Variants in CSNK1G3 observed in about 807,000 individuals in gnomAD.
CSNK1G3 encodes casein kinase 1 gamma 3.
A neutral mutation model predicts 64.3 loss-of-function variants in CSNK1G3; 23 were observed. The observed-to-expected ratio is 0.36, with a 90% CI of 0.26 to 0.51. The LOEUF (loss-of-function observed/expected upper bound fraction) is 0.51. CSNK1G3 is among the 20% of genes least tolerant of loss of function. The probability of loss-of-function intolerance (pLI) is 0.96; values close to 1 mark genes in which losing one functional copy is unlikely to be tolerated. For missense variants in CSNK1G3, 357 were observed against 510.5 expected (o/e 0.70, Z 2.90); for synonymous variants, 158 against 162.2 (o/e 0.97, Z 0.20).
At chr5:123,611,553 A>G (rs1796339733) in intron 12 of CSNK1G3, among the ~76,000 whole-genome samples, 1 of 152,238 alleles carries the variant, frequency 6.6e-6, no homozygotes, top group Admixed American at 6.5e-5. Flanking sequence ...CAGAACTCTC[A>G]GTACTGGAAA....
At chr5:123,552,355 A>G (rs1330407197) in intron 2 of CSNK1G3, among the ~76,000 whole-genome samples, 2 of 152,166 alleles carry the variant, frequency 1.3e-5, no homozygotes, top group African/African-American at 4.8e-5. Flanking sequence ...CATGCTGGTC[A>G]GTCTGGTCTT....
chr5:123,600,042 C>T (rs903240345), intron 10 of CSNK1G3, among the ~76,000 whole-genome samples: 6 of 151,910 alleles, frequency 3.9e-5, no homozygotes, highest in African/African-American at 1.2e-4. Flanking sequence ...TCAATTATAC[C>T]TTTAGTCTTT....
rs1264507243 is a variant in CSNK1G3 at position 123,606,241 on chromosome 5, T to TAC, written c.1217+879_1217+880insAC. Among the ~76,000 whole-genome samples the TAC allele has an allele frequency of 3.3e-5, 5 of 152,238 alleles. No individual in the cohort carries two copies. In the East Asian group the frequency reaches 9.6e-4, roughly 29 times the overall value. ...TTGACATAAGATTAAGACTAGTGTA[T>TAC]GTCAGGATATAATTAGCTATATACT... is the stretch of plus-strand genomic sequence containing the variant. On this transcript the variant is annotated intron_variant, in intron 12 of 12. Transcript: ENST00000345990.
At chr5:123,520,528 T>C (rs1459715974) in intron 1 of CSNK1G3, among the ~76,000 whole-genome samples, 1 of 151,810 alleles carries the variant, frequency 6.6e-6, no homozygotes, top group Non-Finnish European at 1.5e-5. Flanking sequence ...ATGTGTTTTC[T>C]ACCAGTTTAG....
intron 1 of CSNK1G3, among the ~76,000 whole-genome samples, chr5:123,515,053 A>T (rs1205573236): frequency 6.6e-6 from 1 of 152,160 alleles, no homozygotes; most frequent in East Asian, 1.9e-4. Context: ...AAAACAATCT[A>T]TATATAGTTT....
intron 1 of CSNK1G3, among the ~76,000 whole-genome samples, chr5:123,514,800 A>G (rs555027027): frequency 2.0e-5 from 3 of 152,156 alleles, no homozygotes; most frequent in East Asian, 1.9e-4. Context: ...AACTGGACAT[A>G]AGGCTGTTTT....
At chr5:123,525,473 G>C (rs182041923) in intron 1 of CSNK1G3, among the ~76,000 whole-genome samples, 1 of 151,880 alleles carries the variant, frequency 6.6e-6, no homozygotes, top group Non-Finnish European at 1.5e-5. Context: ...ACCACGCCCC[G>C]CTAGTTTTTG....
intron 6 of CSNK1G3, among the ~76,000 whole-genome samples, chr5:123,578,730 C>T (rs949367345): frequency 4.0e-5 from 6 of 151,750 alleles, no homozygotes; most frequent in African/African-American, 1.4e-4. Context: ...ATGCTTTCTT[C>T]TAGAAGCTTT....
chr5:123,568,030 G>A (rs1476113159), intron 4 of CSNK1G3, among the ~76,000 whole-genome samples: 1 of 152,172 alleles, frequency 6.6e-6, no homozygotes, highest in Admixed American at 6.6e-5. Context: ...GTAGTTGGTT[G>A]GCAAGAGGTC....
At chr5:123,591,287 A>G (rs781232179) in intron 9 of CSNK1G3, 32 bp from the exon 10 acceptor site, 1 of 1,310,350 alleles carries the variant, frequency 7.6e-7, no homozygotes, top group Non-Finnish European at 1.1e-6. Flanking sequence ...TTAAAATGGA[A>G]TGTATTGATA....
intron 1 of CSNK1G3, among the ~76,000 whole-genome samples, chr5:123,521,615 C>T (rs891806815): frequency 5.9e-5 from 9 of 152,064 alleles, no homozygotes; most frequent in Admixed American, 1.3e-4. Context: ...ATCCAATAAG[C>T]TAAAATTAAT....
intron 1 of CSNK1G3, among the ~76,000 whole-genome samples, chr5:123,532,024 T>C (rs1180040926): frequency 1.3e-5 from 2 of 151,884 alleles, no homozygotes; most frequent in Non-Finnish European, 2.9e-5. Flanking sequence ...GTTTTTACCA[T>C]TGACTGCATC....
chr5:123,612,758 G>T (rs1748621560), intron 12 of CSNK1G3, among the ~76,000 whole-genome samples: 1 of 152,230 alleles, frequency 6.6e-6, no homozygotes, highest in East Asian at 1.9e-4. Flanking sequence ...TTACACGCAT[G>T]AGCCACCCCT....
chr5:123,559,335 A>G (rs557411749), intron 4 of CSNK1G3, among the ~76,000 whole-genome samples: 1 of 152,286 alleles, frequency 6.6e-6, no homozygotes, highest in East Asian at 1.9e-4. Context: ...GTTAGAAATG[A>G]GTTAGTCAGT....
intron 4 of CSNK1G3, among the ~76,000 whole-genome samples, chr5:123,568,954 A>G (rs917460020): frequency 6.6e-6 from 1 of 152,232 alleles, no homozygotes; most frequent in African/African-American, 2.4e-5. Flanking sequence ...CATTAAAATG[A>G]TGTATAACAT....
chr5:123,515,803 A>G (rs1374698183), intron 1 of CSNK1G3, among the ~76,000 whole-genome samples: 5 of 152,100 alleles, frequency 3.3e-5, no homozygotes, highest in Non-Finnish European at 5.9e-5. Context: ...TGTTCCCTTC[A>G]ACCTCCCAGT....
intron 12 of CSNK1G3, among the ~76,000 whole-genome samples, chr5:123,610,537 A>G (rs557376509): frequency 6.6e-6 from 1 of 152,280 alleles, no homozygotes; most frequent in African/African-American, 2.4e-5. Flanking sequence ...AGAAAAAGGC[A>G]ATGAACAAAG....
chr5:123,605,981 T>C (rs2151174039), intron 12 of CSNK1G3, among the ~76,000 whole-genome samples: 1 of 152,252 alleles, frequency 6.6e-6, no homozygotes, highest in East Asian at 1.9e-4. Flanking sequence ...AATACTGTGC[T>C]TAAAATGCTT....
chr5:123,569,214 T>G (rs184546830), intron 4 of CSNK1G3, among the ~76,000 whole-genome samples: 39 of 152,284 alleles, frequency 2.6e-4, no homozygotes, highest in Admixed American at 1.0e-3. Flanking sequence ...GTAATTTTCC[T>G]TCAAAAACAA....
Sources: gnomAD v4.1 joint callset for allele counts (sites outside exome capture counted in the v4.1 genomes callset) on GRCh38, gnomAD v4.1.1 for gene constraint, MANE v1.5 for transcripts, NCBI Gene and HGNC (gene_info 2026-07-23, HGNC 2026-07-21) for gene names.